Variants in MEIG1 observed in about 807,000 individuals in gnomAD.
MEIG1 encodes meiosis expressed gene 1 protein homolog.
In MEIG1, 12 loss-of-function variants were observed where a neutral mutation model predicts 11.3. That is an observed-to-expected ratio of 1.07 (90% CI 0.68 to 1.73). The LOEUF (loss-of-function observed/expected upper bound fraction) is 1.73, where lower values mean the gene tolerates loss of function less well. Ranked by LOEUF, MEIG1 falls within the 40% of genes most tolerant of loss-of-function variation. The probability of loss-of-function intolerance (pLI) is 0.00; values close to 1 mark genes in which losing one functional copy is unlikely to be tolerated. For synonymous variants in MEIG1, 41 were observed against 33.2 expected, an observed-to-expected ratio of 1.24 and a Z score of -0.81; for missense variants, 119 against 104.9, an observed-to-expected ratio of 1.13 and a Z score of -0.59.
At chr10:14,987,662 G>GA (rs1178687084) in intron 2 of MEIG1, 2 of 377,592 alleles carry the variant, frequency 5.3e-6, no homozygotes, top group African/African-American at 4.2e-5. Flanking sequence ...CTACTTTAGA[G>GA]AAAATCCACT....
At chr10:14,980,539 C>A (rs1383174020) in intron 1 of MEIG1, among the ~76,000 whole-genome samples, 1 of 152,166 alleles carries the variant, frequency 6.6e-6, no homozygotes, top group Non-Finnish European at 1.5e-5. Context: ...GTCAGGAGAT[C>A]TGAGCTTTTT....
At chr10:14,987,564 C>T (rs187551453) in intron 2 of MEIG1, 1 of 596,298 alleles carries the variant, frequency 1.7e-6, no homozygotes, top group Admixed American at 2.7e-5. Context: ...CATACACCAC[C>T]AGCAATGTTT....
chr10:14,975,489 A>G (rs1478117310), downstream of MEIG1, among the ~76,000 whole-genome samples: 1 of 152,072 alleles, frequency 6.6e-6, no homozygotes, highest in East Asian at 1.9e-4. Flanking sequence ...TATCACAGAA[A>G]GTGTACAAAC....
chr10:14,969,919 G>C (rs1279884313), intron 2 of MEIG1, among the ~76,000 whole-genome samples: 3 of 152,176 alleles, frequency 2.0e-5, no homozygotes, highest in East Asian at 3.8e-4. Flanking sequence ...TCTAAAATAA[G>C]TAACAAGAAC....
In MEIG1 at chr10:14,966,566, G is replaced by T; in HGVS notation, c.98G>T (p.Arg33Leu). Reference sequence around the variant, plus strand: ...TACAGATTTCAACAAGCAGGATATCGGGATGAAACCGAATATAGACAAGTG... The same window carrying T: ...TACAGATTTCAACAAGCAGGATATCTGGATGAAACCGAATATAGACAAGTG... Reference protein sequence around the residue: ...NLYRFQQAGYRDETEYRQVKQ... With the variant: ...NLYRFQQAGYLDETEYRQVKQ... Residue 33 changes from arginine (R) to leucine (L), a missense_variant, in exon 2 of 3, where the codon CGG becomes CTG. By Grantham distance (102) the Arg-to-Leu change is moderately radical (BLOSUM62 -2). Coordinates refer to ENST00000407572, the MANE Select transcript of MEIG1 (RefSeq NM_001080836.3). 3 of 1,611,854 alleles carry T rather than the reference G, an allele frequency of 1.9e-6. No individual in the cohort carries two copies. Among genetic ancestry groups the T allele is most frequent in the Non-Finnish European group, 2.5e-6 (3 of 1,179,214 alleles).
downstream of MEIG1, among the ~76,000 whole-genome samples, chr10:14,974,440 G>C (rs549982730): frequency 2.4e-3 from 371 of 152,172 alleles, 1 homozygote; most frequent in African/African-American, 8.6e-3. Context: ...GGTCGGCAGA[G>C]GTGAAGGCCT....
At chr10:14,987,336 A>T in intron 2 of MEIG1, 1 of 773,566 alleles carries the variant, frequency 1.3e-6, no homozygotes, top group Non-Finnish European at 2.3e-6. Context: ...AGATACAAGG[A>T]CAGGGACAGG....
At position 14,972,440 on chromosome 10, in the gene MEIG1, T is replaced by C; in HGVS notation, c.139-73T>C. Reference sequence around the variant, plus strand: ...GTTTCTGTAAGTCATACTTTTTAACTATTTGATAGTAAAATATGAGATAAA... The same window carrying C: ...GTTTCTGTAAGTCATACTTTTTAACCATTTGATAGTAAAATATGAGATAAA... On this transcript the variant is annotated intron_variant, in intron 2 of 2. Transcript: ENST00000407572. The C allele has an allele frequency of 1.9e-6, 3 of 1,585,668 alleles. No homozygotes were observed. In the South Asian group the frequency reaches 3.4e-5, roughly 18 times the overall value.
chr10:14,967,507 T>C (rs370868949), intron 2 of MEIG1, among the ~76,000 whole-genome samples: 81,964 of 136,726 alleles, frequency 0.6, 23,480 homozygotes, highest in Admixed American at 0.64. Flanking sequence ...CTAAGATATT[T>C]TTTTTTTTTT....
At chr10:14,983,302 G>A (rs1469689562) in intron 1 of MEIG1, among the ~76,000 whole-genome samples, 2 of 152,006 alleles carry the variant, frequency 1.3e-5, no homozygotes, top group Middle Eastern at 3.2e-3. Flanking sequence ...TCCCAGTATC[G>A]CAGGAAGTGC....
At chr10:14,987,422 C>T (rs1240073117) in intron 2 of MEIG1, 40 of 729,306 alleles carry the variant, frequency 5.5e-5, no homozygotes, top group African/African-American at 8.7e-5. Context: ...TTCTCAGACA[C>T]CTGTGAGATT....
chr10:14,970,844 A>G (rs1843140339), intron 2 of MEIG1, among the ~76,000 whole-genome samples: 1 of 152,148 alleles, frequency 6.6e-6, no homozygotes, highest in South Asian at 2.1e-4. Context: ...GGATTTGGAG[A>G]AAGGGTGCAG....
chr10:14,962,031 G>A (rs1230296194), intron 1 of MEIG1, among the ~76,000 whole-genome samples: 3 of 151,942 alleles, frequency 2.0e-5, no homozygotes, highest in African/African-American at 4.8e-5. Flanking sequence ...TCTTGAACTC[G>A]GACTCAAAGG....
chr10:14,963,630 G>A (rs1843041095), intron 1 of MEIG1, among the ~76,000 whole-genome samples: 1 of 152,026 alleles, frequency 6.6e-6, no homozygotes. Context: ...TGGCTTATTT[G>A]TTTTGCCAGG....
chr10:14,975,769 A>C (rs915209469), downstream of MEIG1, among the ~76,000 whole-genome samples: 2 of 152,040 alleles, frequency 1.3e-5, no homozygotes, highest in African/African-American at 4.8e-5. Flanking sequence ...GAAGAGGATG[A>C]TGTTACTTTC....
chr10:14,981,671 C>T (rs1843266680), intron 1 of MEIG1, among the ~76,000 whole-genome samples: 1 of 152,190 alleles, frequency 6.6e-6, no homozygotes, highest in African/African-American at 2.4e-5. Flanking sequence ...AACCCTTCTG[C>T]GAGGTTGAGC....
At chr10:14,961,371 T>C (rs138061823) in intron 1 of MEIG1, among the ~76,000 whole-genome samples, 78 of 152,326 alleles carry the variant, frequency 5.1e-4, no homozygotes, top group Middle Eastern at 3.4e-3. Flanking sequence ...TCTGTATGCA[T>C]ATAAACCCTA....
upstream of MEIG1, chr10:14,959,289 C>G (rs1211537417): frequency 6.6e-6 from 1 of 152,318 alleles, no homozygotes; most frequent in Non-Finnish European, 1.5e-5. Context: ...CCCACCCCAG[C>G]CCTCGCGCAT....
intron 1 of MEIG1, among the ~76,000 whole-genome samples, chr10:14,964,622 CAT>C (rs1220659388): frequency 5.1e-5 from 5 of 98,654 alleles, no homozygotes; most frequent in African/African-American, 1.3e-4. Context: ...CACACACACA[CAT>C]ATATATGTAT....
Sources: allele counts gnomAD v4.1 joint callset (sites outside exome capture counted in the v4.1 genomes callset), GRCh38; gene constraint gnomAD v4.1.1; transcripts MANE v1.5; gene names NCBI Gene and HGNC (gene_info 2026-07-23, HGNC 2026-07-21).